WASHC3: variants seen among roughly 807,000 people sequenced by gnomAD.
WASHC3 encodes WASH complex subunit CCDC53.
WASHC3 carries 24 observed loss-of-function variants against 26.1 expected under a neutral mutation model. That is an observed-to-expected ratio of 0.92 (90% CI 0.66 to 1.29). The LOEUF is 1.29. Among genes scored for constraint, WASHC3 ranks in the 50% most tolerant of loss-of-function variants. The probability of loss-of-function intolerance (pLI) is 0.00; values close to 1 mark genes in which losing one functional copy is unlikely to be tolerated. For synonymous variants in WASHC3, 77 were observed against 75.7 expected, an observed-to-expected ratio of 1.02 and a Z score of -0.09; for missense variants, 214 against 229.6, an observed-to-expected ratio of 0.93 and a Z score of 0.44.
intron 5 of WASHC3, among the ~76,000 whole-genome samples, chr12:102,032,422 G>C (rs1877476520): frequency 6.6e-6 from 1 of 152,140 alleles, no homozygotes; most frequent in South Asian, 2.1e-4. Flanking sequence ...AGAATTGTTG[G>C]AAAAGTGATC....
chr12:102,055,004 T>C (rs564078822), intron 2 of WASHC3, among the ~76,000 whole-genome samples: 9 of 151,620 alleles, frequency 5.9e-5, no homozygotes, highest in African/African-American at 1.9e-4. Flanking sequence ...ACTGAAGGAA[T>C]AGAAGAACAA....
intron 2 of WASHC3, among the ~76,000 whole-genome samples, chr12:102,060,561 T>C (rs1274578908): frequency 1.3e-5 from 2 of 152,254 alleles, no homozygotes; most frequent in African/African-American, 4.8e-5. Flanking sequence ...CTATCTCCTC[T>C]AGCCATCTTT....
chr12:102,014,355 G>GC (rs36082135), intron 6 of WASHC3, among the ~76,000 whole-genome samples: 150,810 of 152,118 alleles, frequency 0.99, 74,762 homozygotes, highest in Middle Eastern at 1. Flanking sequence ...ATAGATGCGA[G>GC]CCCGTGCCTG....
Position 102,039,894 on chromosome 12 carries a change from C to A in WASHC3, c.409G>T (p.Ala137Ser). The change falls in exon 5 of 7, where the codon GCC becomes TCC. Residue 137 changes from alanine (A) to serine (S), a missense_variant. Transcript: ENST00000240079. ...ILTVAKDPRY[A>S]RYLKMVQVGV... is the part of the protein sequence containing the mutation. ...ACTTGAACCATTTTGAGATATCTGGCATATCTTGGATCCTTGGCTACAGTT... is the reference window on the plus strand; with the variant it reads ...ACTTGAACCATTTTGAGATATCTGGAATATCTTGGATCCTTGGCTACAGTT... The A allele has an allele frequency of 6.3e-7, 1 of 1,582,960 alleles. No individual in the cohort carries two copies. The highest frequency in any genetic ancestry group is 8.7e-7 in the Non-Finnish European group (1 of 1,152,318).
At chr12:102,061,494 C>T in intron 1 of WASHC3, 148 bp from the exon 2 acceptor site, 1 of 648,280 alleles carries the variant, frequency 1.5e-6, no homozygotes, top group Non-Finnish European at 2.8e-6. Context: ...GTTTCCTAAG[C>T]TGTGGGTGGG....
upstream of WASHC3, chr12:102,062,097 T>C: frequency 1.5e-6 from 1 of 687,102 alleles, no homozygotes; most frequent in Non-Finnish European, 2.4e-6. Flanking sequence ...AGAAAGCTTC[T>C]CCGCTCACTA....
intron 2 of WASHC3, among the ~76,000 whole-genome samples, chr12:102,053,954 T>C (rs1025194783): frequency 3.9e-5 from 6 of 152,146 alleles, no homozygotes; most frequent in African/African-American, 1.4e-4. Flanking sequence ...AAGCAAAATG[T>C]GGAGAGGTGG....
intron 2 of WASHC3, among the ~76,000 whole-genome samples, chr12:102,049,537 C>T (rs1878304401): frequency 6.6e-6 from 1 of 151,404 alleles, no homozygotes; most frequent in Admixed American, 6.6e-5. Flanking sequence ...CATGTATTTC[C>T]AAGGCAGTAC....
chr12:102,060,321 A>G (rs1878752287), intron 2 of WASHC3, among the ~76,000 whole-genome samples: 1 of 152,220 alleles, frequency 6.6e-6, no homozygotes, highest in Non-Finnish European at 1.5e-5. Context: ...TAAAACAAAA[A>G]CAAAAACAAA....
rs1172475865 is a variant in WASHC3, at chr12:102,038,292, TAAAAAG to T, written c.435+1570_435+1575del. Among the ~76,000 whole-genome samples the T allele has an allele frequency of 2.0e-5, 3 of 152,202 alleles. No homozygotes were observed. In the East Asian group the frequency reaches 5.8e-4, roughly 29 times the overall value. On this transcript the variant is annotated intron_variant, in intron 5 of 6. Transcript: ENST00000240079. ...TTGTGAAATAAACAGATGGTGGATT[TAAAAAG>T]AAAAAGATTTTTTGAAGTTCTTATA...
chr12:102,053,159 C>A (rs1336788821), intron 2 of WASHC3, among the ~76,000 whole-genome samples: 1 of 152,048 alleles, frequency 6.6e-6, no homozygotes, highest in Non-Finnish European at 1.5e-5. Context: ...TCCAGGTCCA[C>A]CCCAGGGGTT....
chr12:102,032,915 C>A (rs1877496120), intron 5 of WASHC3, among the ~76,000 whole-genome samples: 1 of 152,070 alleles, frequency 6.6e-6, no homozygotes. Context: ...GGGTAGTAAT[C>A]CAGCAGTGAC....
intron 6 of WASHC3, among the ~76,000 whole-genome samples, chr12:102,014,168 T>C (rs1594343827): frequency 7.0e-6 from 1 of 143,552 alleles, no homozygotes; most frequent in South Asian, 2.3e-4. Flanking sequence ...CTGCAACCTC[T>C]GTCTCCCAGG....
chr12:102,033,890 C>A (rs1012495170), intron 5 of WASHC3, among the ~76,000 whole-genome samples: 1 of 151,924 alleles, frequency 6.6e-6, no homozygotes, highest in African/African-American at 2.4e-5. Context: ...TACTAATGGA[C>A]AAATTAGAAC....
At chr12:102,035,052 C>G (rs1877597466) in intron 5 of WASHC3, among the ~76,000 whole-genome samples, 1 of 151,996 alleles carries the variant, frequency 6.6e-6, no homozygotes, top group South Asian at 2.1e-4. Context: ...GAAATTTTAT[C>G]AGATGGGGCA....
At chr12:102,033,249 G>T (rs990944995) in intron 5 of WASHC3, among the ~76,000 whole-genome samples, 4 of 151,994 alleles carry the variant, frequency 2.6e-5, no homozygotes, top group African/African-American at 9.7e-5. Context: ...TTTGTAACCC[G>T]CAAGACTTTC....
In WASHC3 at chr12:102,046,048, A is replaced by G; in HGVS notation, c.216+6T>C. On this transcript the variant is annotated splice_donor_region_variant and intron_variant, in intron 3 of 6. Coordinates refer to ENST00000240079, the MANE Select transcript of WASHC3 (RefSeq NM_016053.4). ...TTTATACTACAAATTATTGAGAAAT[A>G]CCAACCTTTGCATCTAAAATATTGA... 6.5e-7 allele frequency: 1 copy of G among 1,541,872 alleles called. No individual in the cohort carries two copies. The highest frequency in any genetic ancestry group is 8.9e-7 in the Non-Finnish European group (1 of 1,122,802).
intron 6 of WASHC3, chr12:102,017,733 G>T: frequency 2.4e-6 from 1 of 412,254 alleles, no homozygotes; most frequent in Non-Finnish European, 4.7e-6. Flanking sequence ...CAATGTATGA[G>T]GGTTCCAATT....
At chr12:102,021,569 A>T (rs539108336) in intron 6 of WASHC3, among the ~76,000 whole-genome samples, 1 of 152,306 alleles carries the variant, frequency 6.6e-6, no homozygotes, top group Admixed American at 6.5e-5. Context: ...TTTGTCCTAT[A>T]CTTTCTAGCT....
Sources: gnomAD v4.1 joint callset for allele counts (sites outside exome capture counted in the v4.1 genomes callset) on GRCh38, gnomAD v4.1.1 for gene constraint, MANE v1.5 for transcripts, NCBI Gene and HGNC (gene_info 2026-07-23, HGNC 2026-07-21) for gene names.